Variants in SDK1 observed in about 807,000 individuals in gnomAD.
SDK1 encodes the protein sidekick cell adhesion molecule 1.
In SDK1, 157 loss-of-function variants were observed where a neutral mutation model predicts 245.5. That is an observed-to-expected ratio of 0.64 (90% CI 0.56 to 0.73). The LOEUF (loss-of-function observed/expected upper bound fraction) is 0.73, where lower values mean the gene tolerates loss of function less well. SDK1 is among the 30% of genes least tolerant of loss of function. SDK1 has a pLI of 0.00. For missense variants in SDK1, 3,583 were observed against 3,002.3 expected (o/e 1.19, Z -4.52); for synonymous variants, 1,647 against 1,278.5 (o/e 1.29, Z -6.15).
chr7:4,183,761 G>A (rs758676683), intron 35 of SDK1, among the ~76,000 whole-genome samples: 5 of 152,198 alleles, frequency 3.3e-5, no homozygotes, highest in Non-Finnish European at 5.9e-5. Context: ...CCCAAACGAG[G>A]AGGGGGATTG....
intron 4 of SDK1, among the ~76,000 whole-genome samples, chr7:3,655,541 C>G (rs1165216047): frequency 7.8e-6 from 1 of 128,456 alleles, no homozygotes; most frequent in Non-Finnish European, 1.6e-5. Flanking sequence ...TAAATCATAT[C>G]TTTCCTATGG....
chr7:3,305,665 A>G (rs1474147904), intron 1 of SDK1, among the ~76,000 whole-genome samples: 1 of 152,212 alleles, frequency 6.6e-6, no homozygotes, highest in Non-Finnish European at 1.5e-5. Context: ...TCATCTTAAT[A>G]AAGAGTCTTG....
In SDK1 at chr7:3,730,698, C is replaced by T. The variant is rs558472809; in HGVS notation, c.713+88593C>T. On this transcript the variant is annotated intron_variant, in intron 4 of 44. Coordinates refer to ENST00000404826, the MANE Select transcript of SDK1 (RefSeq NM_152744.4). ...CAGTTTTCCTTACACACAATATTAA[C>T]GTTCATATTCCTTCCAGGAAACTAT... Among the ~76,000 whole-genome samples, 125 of 152,180 alleles carry T rather than the reference C, an allele frequency of 8.2e-4. 1 individual carries two copies. Among genetic ancestry groups the T allele is most frequent in the African/African-American group, 2.7e-3 (114 of 41,512 alleles).
At chr7:4,052,349 C>G (rs1022467360) in intron 19 of SDK1, among the ~76,000 whole-genome samples, 4 of 151,858 alleles carry the variant, frequency 2.6e-5, no homozygotes, top group African/African-American at 9.7e-5. Flanking sequence ...ATGAAGTTAC[C>G]CCGAGAAAAT....
intron 1 of SDK1, among the ~76,000 whole-genome samples, chr7:3,613,936 A>G (rs1225155949): frequency 1.3e-5 from 2 of 152,314 alleles, no homozygotes; most frequent in East Asian, 1.9e-4. Flanking sequence ...GAACACATGG[A>G]CACAGAGAGG....
intron 25 of SDK1, among the ~76,000 whole-genome samples, chr7:4,126,272 A>T (rs74944305): frequency 6.6e-6 from 1 of 152,182 alleles, no homozygotes; most frequent in Non-Finnish European, 1.5e-5. Context: ...AAGAAAATTA[A>T]CAAAGCAAAT....
chr7:4,098,291 G>A (rs528370222), intron 22 of SDK1, among the ~76,000 whole-genome samples: 5 of 152,240 alleles, frequency 3.3e-5, no homozygotes, highest in African/African-American at 7.2e-5. Context: ...TGTCATTTTC[G>A]AAAAATAGAG....
At chr7:4,072,841 C>T (rs915371461) in intron 20 of SDK1, among the ~76,000 whole-genome samples, 10 of 152,202 alleles carry the variant, frequency 6.6e-5, no homozygotes, top group African/African-American at 2.4e-4. Context: ...TGAGCACCCC[C>T]AGCTTCCATT....
intron 44 of SDK1, among the ~76,000 whole-genome samples, chr7:4,252,257 T>C (rs979747204): frequency 6.8e-6 from 1 of 147,930 alleles, no homozygotes; most frequent in Non-Finnish European, 1.5e-5. Flanking sequence ...CCTTCCTGTG[T>C]CCATGTGTGC....
At chr7:3,528,330 G>A (rs1206699324) in intron 1 of SDK1, among the ~76,000 whole-genome samples, 3 of 149,628 alleles carry the variant, frequency 2.0e-5, no homozygotes, top group Admixed American at 2.0e-4. Context: ...TTGGATGATC[G>A]TCAGCTGGGG....
At chr7:3,455,708 A>G (rs1780645746) in intron 1 of SDK1, among the ~76,000 whole-genome samples, 1 of 152,152 alleles carries the variant, frequency 6.6e-6, no homozygotes, top group Non-Finnish European at 1.5e-5. Context: ...AGTATTGGAT[A>G]GAGTGATTCT....
At chr7:3,486,788 G>C (rs921890674) in intron 1 of SDK1, among the ~76,000 whole-genome samples, 7 of 151,678 alleles carry the variant, frequency 4.6e-5, no homozygotes, top group Non-Finnish European at 8.8e-5. Flanking sequence ...TTTTTAATTT[G>C]TAAATATATC....
intron 1 of SDK1, among the ~76,000 whole-genome samples, chr7:3,538,799 A>G (rs777461845): frequency 9.9e-5 from 15 of 152,238 alleles, no homozygotes; most frequent in Non-Finnish European, 1.9e-4. Context: ...ATCAAGAGGA[A>G]GTCACTCTGG....
chr7:3,620,901 A>T (rs1781918265), intron 2 of SDK1, among the ~76,000 whole-genome samples: 3 of 152,120 alleles, frequency 2.0e-5, no homozygotes. Context: ...TGGAGGATCT[A>T]CACTCGAGGA....
At chr7:3,311,644 A>G (rs1328483434) in intron 1 of SDK1, among the ~76,000 whole-genome samples, 1 of 152,212 alleles carries the variant, frequency 6.6e-6, no homozygotes, top group Non-Finnish European at 1.5e-5. Flanking sequence ...CTCTGAAGTG[A>G]TCATTTCTGT....
chr7:3,430,634 T>A (rs1308312021), intron 1 of SDK1, among the ~76,000 whole-genome samples: 1 of 152,120 alleles, frequency 6.6e-6, no homozygotes, highest in Non-Finnish European at 1.5e-5. Flanking sequence ...GTTTCAAGAG[T>A]GTGTCTGAGA....
At chr7:3,870,697 A>G (rs1780934497) in intron 5 of SDK1, among the ~76,000 whole-genome samples, 1 of 152,218 alleles carries the variant, frequency 6.6e-6, no homozygotes, top group African/African-American at 2.4e-5. Context: ...TATAACCATA[A>G]TAAATTTATC....
At chr7:3,989,647 C>T (rs1337039558) in intron 14 of SDK1, among the ~76,000 whole-genome samples, 1 of 152,172 alleles carries the variant, frequency 6.6e-6, no homozygotes, top group Non-Finnish European at 1.5e-5. Flanking sequence ...CCCTGAAACC[C>T]AGCTCCCCGT....
intron 5 of SDK1, among the ~76,000 whole-genome samples, chr7:3,885,439 G>A (rs73294615): frequency 0.035 from 5,379 of 152,148 alleles, 347 homozygotes; most frequent in African/African-American, 0.12. Flanking sequence ...TATTTGCTCT[G>A]TTTTCTGTTT....
Sources: gnomAD v4.1 joint callset for allele counts (sites outside exome capture counted in the v4.1 genomes callset) on GRCh38, gnomAD v4.1.1 for gene constraint, MANE v1.5 for transcripts, NCBI Gene and HGNC (gene_info 2026-07-23, HGNC 2026-07-21) for gene names.